The following GPATCH2 variants were observed in gnomAD, a reference collection of about 807,000 sequenced individuals.
GPATCH2 encodes the protein G patch domain-containing protein 2.
In GPATCH2, 51 loss-of-function variants were observed where a neutral mutation model predicts 58.0. The observed-to-expected ratio is 0.88, with a 90% confidence interval of 0.70 to 1.11. The LOEUF is 1.11. Ranked by LOEUF, GPATCH2 falls within the 50% of genes most tolerant of loss-of-function variation. The pLI is 0.00. For synonymous variants in GPATCH2, 222 were observed against 218.5 expected (o/e 1.02, Z -0.14); for missense variants, 625 against 652.2 (o/e 0.96, Z 0.45).
intron 1 of GPATCH2, among the ~76,000 whole-genome samples, chr1:217,623,864 T>G (rs1243743418): frequency 6.6e-6 from 1 of 152,040 alleles, no homozygotes; most frequent in South Asian, 2.1e-4. Context: ...ATCGCAACAT[T>G]GCACTCCAGC....
At chr1:217,614,065 T>C (rs1668765586) in intron 3 of GPATCH2, 76 bp downstream of exon 3, 12 of 831,808 alleles carry the variant, frequency 1.4e-5, no homozygotes, top group Non-Finnish European at 2.1e-6. Flanking sequence ...CATCAACTTA[T>C]GAAATAACCA....
chr1:217,441,772 C>A (rs1473364931), intron 9 of GPATCH2, among the ~76,000 whole-genome samples: 1 of 152,080 alleles, frequency 6.6e-6, no homozygotes, highest in Non-Finnish European at 1.5e-5. Context: ...TAGAGAAATG[C>A]AAATCAAAAT....
At chr1:217,571,652 C>T (rs547801870) in intron 5 of GPATCH2, among the ~76,000 whole-genome samples, 42 of 144,172 alleles carry the variant, frequency 2.9e-4, no homozygotes, top group African/African-American at 9.4e-4. Flanking sequence ...GCGAAACCCC[C>T]GTCTCTACAA....
chr1:217,556,915 T>A (rs1274171369), intron 5 of GPATCH2, among the ~76,000 whole-genome samples: 1 of 152,254 alleles, frequency 6.6e-6, no homozygotes, highest in African/African-American at 2.4e-5. Context: ...CACTGTGACT[T>A]TAATTACAGT....
intron 6 of GPATCH2, among the ~76,000 whole-genome samples, chr1:217,506,711 G>A (rs969925737): frequency 6.6e-5 from 10 of 152,194 alleles, no homozygotes; most frequent in Non-Finnish European, 1.3e-4. Context: ...GGCATCATGT[G>A]CTCCTTGCCG....
At chr1:217,561,797 C>T (rs1238857750) in intron 5 of GPATCH2, among the ~76,000 whole-genome samples, 1 of 152,164 alleles carries the variant, frequency 6.6e-6, no homozygotes, top group African/African-American at 2.4e-5. Flanking sequence ...GGGTACACAG[C>T]TCACAGACAC....
intron 6 of GPATCH2, among the ~76,000 whole-genome samples, chr1:217,504,787 T>G (rs1480558486): frequency 1.3e-5 from 2 of 152,210 alleles, no homozygotes; most frequent in Non-Finnish European, 2.9e-5. Context: ...ATGGAAGGGT[T>G]GGTTTTCTTT....
chr1:217,562,348 A>G (rs1665969759), intron 5 of GPATCH2, among the ~76,000 whole-genome samples: 2 of 152,192 alleles, frequency 1.3e-5, no homozygotes, highest in Non-Finnish European at 2.9e-5. Context: ...TGGAACCTTA[A>G]GGCTAAGTGA....
intron 9 of GPATCH2, among the ~76,000 whole-genome samples, chr1:217,446,376 T>C (rs566273068): frequency 6.6e-6 from 1 of 152,266 alleles, no homozygotes; most frequent in East Asian, 1.9e-4. Flanking sequence ...ATTTGAAAAC[T>C]GTAATTTTCA....
chr1:217,620,616 CA>C (rs1669140024), intron 1 of GPATCH2, 117 bp from the exon 2 acceptor site: 1 of 650,296 alleles, frequency 1.5e-6, no homozygotes, highest in Non-Finnish European at 2.6e-6. Context: ...CAAAATGTTT[CA>C]AAGCTAATTT....
chr1:217,479,826 C>G (rs1052323967), intron 8 of GPATCH2, among the ~76,000 whole-genome samples: 5 of 151,956 alleles, frequency 3.3e-5, no homozygotes, highest in African/African-American at 1.2e-4. Context: ...AAAAGATACT[C>G]CATGCCAATG....
At chr1:217,504,834 C>A (rs1460350675) in intron 6 of GPATCH2, among the ~76,000 whole-genome samples, 1 of 151,944 alleles carries the variant, frequency 6.6e-6, no homozygotes, top group Non-Finnish European at 1.5e-5. Context: ...TGCCAGAATC[C>A]AGCATAATAC....
chr1:217,458,669 T>G (rs1308913776), intron 8 of GPATCH2, among the ~76,000 whole-genome samples: 1 of 152,196 alleles, frequency 6.6e-6, no homozygotes, highest in Non-Finnish European at 1.5e-5. Context: ...CTAGCTACTT[T>G]AAGAAATTTT....
chr1:217,622,726 G>A (rs979407442), intron 1 of GPATCH2, among the ~76,000 whole-genome samples: 1 of 152,176 alleles, frequency 6.6e-6, no homozygotes, highest in Non-Finnish European at 1.5e-5. Flanking sequence ...GTATTTTTTA[G>A]TAGAGACAGG....
intron 5 of GPATCH2, among the ~76,000 whole-genome samples, chr1:217,585,979 G>GA (rs1667320948): frequency 4.6e-5 from 7 of 152,166 alleles, no homozygotes; most frequent in Admixed American, 3.9e-4. Flanking sequence ...TCTAAATACA[G>GA]AAAATCTATA....
At chr1:217,533,949 C>T (rs908875721) in intron 5 of GPATCH2, among the ~76,000 whole-genome samples, 1 of 152,124 alleles carries the variant, frequency 6.6e-6, no homozygotes, top group Non-Finnish European at 1.5e-5. Context: ...GGCATGGTGG[C>T]TGACACCTGT....
intron 5 of GPATCH2, among the ~76,000 whole-genome samples, chr1:217,605,956 G>A (rs1004732073): frequency 6.6e-6 from 1 of 152,024 alleles, no homozygotes; most frequent in African/African-American, 2.4e-5. Flanking sequence ...TGAAATTAAT[G>A]ACCATTTGCT....
At chr1:217,595,749 C>T (rs762431078) in intron 5 of GPATCH2, among the ~76,000 whole-genome samples, 4 of 152,130 alleles carry the variant, frequency 2.6e-5, no homozygotes, top group Non-Finnish European at 5.9e-5. Context: ...TTCCACGCAT[C>T]TCAGCCTCCC....
chr1:217,628,033 T>C (rs1401051031), intron 1 of GPATCH2, among the ~76,000 whole-genome samples: 1 of 152,108 alleles, frequency 6.6e-6, no homozygotes, highest in Non-Finnish European at 1.5e-5. Flanking sequence ...TTATTTAATG[T>C]TTATATTAAC....
Sources: gnomAD v4.1 joint callset for allele counts (sites outside exome capture counted in the v4.1 genomes callset) on GRCh38, gnomAD v4.1.1 for gene constraint, MANE v1.5 for transcripts, NCBI Gene and HGNC (gene_info 2026-07-23, HGNC 2026-07-21) for gene names.